ARMH3: variants seen among roughly 807,000 people sequenced by gnomAD.
The protein encoded by ARMH3 is armadillo-like helical domain-containing protein 3.
Under a neutral mutation model 99.1 loss-of-function variants are expected in ARMH3, and 60 were observed. That is an observed-to-expected ratio of 0.61 (90% confidence interval 0.49 to 0.75). The LOEUF (loss-of-function observed/expected upper bound fraction) is 0.75, where lower values mean the gene tolerates loss of function less well. ARMH3 is among the 30% of genes least tolerant of loss of function. The probability of loss-of-function intolerance (pLI) is 0.00; values close to 1 mark genes in which losing one functional copy is unlikely to be tolerated. For missense variants in ARMH3, 679 were observed against 843.1 expected, an observed-to-expected ratio of 0.81 and a Z score of 2.41; for synonymous variants, 285 against 292.8, an observed-to-expected ratio of 0.97 and a Z score of 0.27.
At chr10:101,911,650 G>A (rs577302607) in intron 23 of ARMH3, among the ~76,000 whole-genome samples, 10 of 152,176 alleles carry the variant, frequency 6.6e-5, no homozygotes, top group Non-Finnish European at 1.0e-4. Flanking sequence ...AGGATCCCTC[G>A]AGCCCAGGAG....
chr10:101,872,303 C>T (rs183349445), intron 24 of ARMH3, among the ~76,000 whole-genome samples: 1 of 151,598 alleles, frequency 6.6e-6, no homozygotes, highest in East Asian at 1.9e-4. Context: ...TATATAAAAA[C>T]TCATAAATAA....
chr10:102,009,878 T>G (rs2066592649), intron 12 of ARMH3, 99 bp downstream of exon 12: 2 of 1,158,376 alleles, frequency 1.7e-6, no homozygotes, highest in African/African-American at 1.6e-5. Flanking sequence ...AGTATGATTC[T>G]GTAAAAGATT....
chr10:101,887,816 G>A (rs192126244), intron 24 of ARMH3, among the ~76,000 whole-genome samples: 5 of 151,834 alleles, frequency 3.3e-5, no homozygotes, highest in East Asian at 1.9e-4. Context: ...CATTGAAATC[G>A]CTTCGTCTCT....
intron 5 of ARMH3, among the ~76,000 whole-genome samples, chr10:102,028,720 C>T (rs1023512825): frequency 3.3e-5 from 5 of 152,114 alleles, no homozygotes; most frequent in Non-Finnish European, 7.4e-5. Context: ...CAGATTAATG[C>T]TTGCCAAGGG....
chr10:102,041,102 T>TATATATA (rs2067411818), intron 1 of ARMH3, among the ~76,000 whole-genome samples: 1 of 146,508 alleles, frequency 6.8e-6, no homozygotes, highest in African/African-American at 2.5e-5. Flanking sequence ...TATATATATA[T>TATATATA]ATATATATAT....
intron 22 of ARMH3, among the ~76,000 whole-genome samples, chr10:101,954,107 G>C (rs1476379939): frequency 6.6e-6 from 1 of 152,162 alleles, no homozygotes; most frequent in African/African-American, 2.4e-5. Flanking sequence ...TGGGAGGATT[G>C]CTTGAGCTCA....
At chr10:101,877,818 T>C (rs1440825345) in intron 24 of ARMH3, among the ~76,000 whole-genome samples, 1 of 152,112 alleles carries the variant, frequency 6.6e-6, no homozygotes. Context: ...TTGGAGAAAA[T>C]GCTGACAGTG....
At chr10:101,969,518 G>A (rs753147129) in intron 20 of ARMH3, among the ~76,000 whole-genome samples, 2 of 152,164 alleles carry the variant, frequency 1.3e-5, no homozygotes, top group Non-Finnish European at 2.9e-5. Flanking sequence ...GCTCTCAATT[G>A]CCAGTCTTGA....
intron 23 of ARMH3, 131 bp downstream of exon 23, chr10:101,939,732 A>G: frequency 1.6e-6 from 1 of 644,372 alleles, no homozygotes; most frequent in Non-Finnish European, 2.5e-6. Flanking sequence ...CAAGTACGAC[A>G]ATTTTTCTTC....
At chr10:101,977,462 A>G (rs1232131352) in intron 19 of ARMH3, among the ~76,000 whole-genome samples, 1 of 152,222 alleles carries the variant, frequency 6.6e-6, no homozygotes, top group African/African-American at 2.4e-5. Context: ...TAAATGGCAA[A>G]CTACATGGGA....
At chr10:101,983,461 C>T (rs1473146962) in intron 19 of ARMH3, among the ~76,000 whole-genome samples, 1 of 151,998 alleles carries the variant, frequency 6.6e-6, no homozygotes, top group East Asian at 1.9e-4. Flanking sequence ...TTTGTAGAGA[C>T]AAGGTGTCAC....
At chr10:102,054,261 C>G (rs767538149) in intron 1 of ARMH3, among the ~76,000 whole-genome samples, 1 of 151,892 alleles carries the variant, frequency 6.6e-6, no homozygotes. Flanking sequence ...TGGTGGTGCG[C>G]GCCTGTAGTC....
intron 2 of ARMH3, among the ~76,000 whole-genome samples, chr10:102,034,535 C>T (rs1341682532): frequency 6.6e-6 from 1 of 151,632 alleles, no homozygotes; most frequent in Non-Finnish European, 1.5e-5. Flanking sequence ...ACTAGGGAGG[C>T]TGAGGCAGGA....
At chr10:101,870,701 CAG>C (rs1422131514) in intron 24 of ARMH3, among the ~76,000 whole-genome samples, 1 of 152,126 alleles carries the variant, frequency 6.6e-6, no homozygotes, top group Non-Finnish European at 1.5e-5. Flanking sequence ...TTTTTAAAAA[CAG>C]GGGAGGAAGG....
chr10:101,962,187 C>T (rs1255844410), intron 20 of ARMH3, among the ~76,000 whole-genome samples: 3 of 152,214 alleles, frequency 2.0e-5, no homozygotes, highest in African/African-American at 7.2e-5. Flanking sequence ...AGAGAATATC[C>T]TTTTGGGTAA....
chr10:101,856,524 T>C (rs1589911968), intron 24 of ARMH3, among the ~76,000 whole-genome samples: 1 of 152,002 alleles, frequency 6.6e-6, no homozygotes, highest in East Asian at 1.9e-4. Flanking sequence ...CTGTTCCACT[T>C]CCATGCAGTT....
At chr10:101,972,590 A>G (rs1228219568) in intron 20 of ARMH3, among the ~76,000 whole-genome samples, 1 of 152,246 alleles carries the variant, frequency 6.6e-6, no homozygotes, top group Non-Finnish European at 1.5e-5. Flanking sequence ...GATCTGCCAT[A>G]GACACACTTG....
rs1245921696 is a variant in ARMH3, at chr10:102,047,943, G to A, written c.-11-7818C>T. The stretch of plus-strand genomic sequence containing the variant: ...CACCTACTAGGTAGAGGCCAGGGAT[G>A]CTGTTAAACATCATACAATACTCGA... On this transcript the variant is annotated intron_variant, in intron 1 of 25. Transcript: ENST00000370033. Among the ~76,000 whole-genome samples the A allele has an allele frequency of 2.6e-5, 4 of 152,174 alleles. No individual in the cohort carries two copies. In the South Asian group the frequency reaches 6.2e-4, roughly 24 times the overall value.
intron 24 of ARMH3, among the ~76,000 whole-genome samples, chr10:101,887,727 C>A (rs2135435338): frequency 6.6e-6 from 1 of 151,864 alleles, no homozygotes; most frequent in African/African-American, 2.4e-5. Flanking sequence ...GCCACCGCAC[C>A]CAGCAGGTAT....
Sources: allele counts gnomAD v4.1 joint callset (sites outside exome capture counted in the v4.1 genomes callset), GRCh38; gene constraint gnomAD v4.1.1; transcripts MANE v1.5; gene names NCBI Gene and HGNC (gene_info 2026-07-23, HGNC 2026-07-21).